SPAG16: variants seen among roughly 807,000 people sequenced by gnomAD.
SPAG16 encodes the protein sperm-associated antigen 16 protein.
Under a neutral mutation model 80.4 loss-of-function variants are expected in SPAG16, and 86 were observed. The ratio of observed to expected loss-of-function variants is 1.07; its 90% CI spans 0.90 to 1.28. The LOEUF (loss-of-function observed/expected upper bound fraction) is 1.28. SPAG16 is among the 50% of genes most tolerant of loss of function. The probability of loss-of-function intolerance (pLI) is 0.00; values close to 1 mark genes in which losing one functional copy is unlikely to be tolerated. For missense variants in SPAG16, 870 were observed against 765.3 expected (o/e 1.14, Z -1.61); for synonymous variants, 294 against 265.9 (o/e 1.11, Z -1.03).
At chr2:213,361,132 A>G (rs1489172132) in intron 7 of SPAG16, among the ~76,000 whole-genome samples, 1 of 152,094 alleles carries the variant, frequency 6.6e-6, no homozygotes, top group African/African-American at 2.4e-5. Context: ...CATGTTTTCA[A>G]ATTTCTTTAG....
intron 15 of SPAG16, chr2:214,280,769 G>T: frequency 2.2e-6 from 1 of 445,470 alleles, no homozygotes; most frequent in Non-Finnish European, 4.3e-6. Flanking sequence ...TCTTCTCATA[G>T]ACTAGATTCT....
intron 9 of SPAG16, among the ~76,000 whole-genome samples, chr2:213,415,744 A>C (rs976004450): frequency 1.3e-5 from 2 of 152,086 alleles, no homozygotes; most frequent in Non-Finnish European, 2.9e-5. Context: ...GACGTGAGGG[A>C]ATTTGGATGT....
intron 15 of SPAG16, among the ~76,000 whole-genome samples, chr2:214,248,711 T>G (rs796181224): frequency 8.5e-5 from 13 of 152,162 alleles, no homozygotes; most frequent in African/African-American, 3.1e-4. Context: ...TGGGATAAGA[T>G]AATAAACAAA....
chr2:214,044,352 C>A (rs550599841), intron 13 of SPAG16, among the ~76,000 whole-genome samples: 1 of 152,244 alleles, frequency 6.6e-6, no homozygotes, highest in African/African-American at 2.4e-5. Context: ...TTTCTGCTAC[C>A]GTGCTGTGGT....
intron 9 of SPAG16, among the ~76,000 whole-genome samples, chr2:213,427,804 A>T (rs1438192542): frequency 6.6e-6 from 1 of 152,212 alleles, no homozygotes; most frequent in Non-Finnish European, 1.5e-5. Flanking sequence ...TGAGCATCTT[A>T]TCTGCTTTAT....
chr2:213,582,810 T>A (rs1419065846), intron 10 of SPAG16, among the ~76,000 whole-genome samples: 1 of 152,168 alleles, frequency 6.6e-6, no homozygotes, highest in East Asian at 1.9e-4. Context: ...CTGCAATAAA[T>A]AGAATGTTCA....
chr2:214,316,822 C>A (rs1473277368), intron 15 of SPAG16, among the ~76,000 whole-genome samples: 1 of 152,010 alleles, frequency 6.6e-6, no homozygotes, highest in African/African-American at 2.4e-5. Context: ...GATATACTGC[C>A]CCCATCTTGG....
At chr2:213,333,580 T>C (rs1217008171) in intron 5 of SPAG16, among the ~76,000 whole-genome samples, 7 of 152,116 alleles carry the variant, frequency 4.6e-5, no homozygotes, top group Non-Finnish European at 1.5e-5. Context: ...ACCGGAGGAA[T>C]CACATTACCT....
intron 13 of SPAG16, among the ~76,000 whole-genome samples, chr2:214,023,066 A>T (rs1374848055): frequency 6.6e-6 from 1 of 151,888 alleles, no homozygotes; most frequent in Non-Finnish European, 1.5e-5. Flanking sequence ...CCCGTTCTCA[A>T]TTATCCCATT....
intron 10 of SPAG16, among the ~76,000 whole-genome samples, chr2:213,502,111 G>A (rs1420330826): frequency 2.6e-5 from 4 of 152,130 alleles, no homozygotes; most frequent in African/African-American, 7.2e-5. Flanking sequence ...AAATTCAAAC[G>A]TTGTATCTTT....
intron 5 of SPAG16, among the ~76,000 whole-genome samples, chr2:213,328,770 A>G (rs1335908150): frequency 6.6e-6 from 1 of 152,062 alleles, no homozygotes; most frequent in African/African-American, 2.4e-5. Context: ...GGATACTTCT[A>G]CTTGCTGTGA....
chr2:213,336,396 T>A (rs1237065121), intron 5 of SPAG16, among the ~76,000 whole-genome samples: 2 of 124,354 alleles, frequency 1.6e-5, no homozygotes, highest in Non-Finnish European at 3.4e-5. Context: ...CCAAGTGGCC[T>A]CACTTCCACA....
At chr2:213,949,976 A>C (rs1431515417) in intron 12 of SPAG16, among the ~76,000 whole-genome samples, 2 of 152,174 alleles carry the variant, frequency 1.3e-5, no homozygotes, top group Non-Finnish European at 2.9e-5. Flanking sequence ...TGACAGAAAA[A>C]TCTATAATGT....
chr2:214,277,068 C>G (rs986571008), intron 15 of SPAG16, among the ~76,000 whole-genome samples: 3 of 152,114 alleles, frequency 2.0e-5, no homozygotes, highest in African/African-American at 7.2e-5. Context: ...CTTTCTTCCA[C>G]TTGATCGAAT....
At chr2:213,760,080 G>A (rs1051836930) in intron 10 of SPAG16, among the ~76,000 whole-genome samples, 1 of 151,928 alleles carries the variant, frequency 6.6e-6, no homozygotes, top group Non-Finnish European at 1.5e-5. Flanking sequence ...AATGACAGAA[G>A]TAGCTTCCTT....
intron 15 of SPAG16, among the ~76,000 whole-genome samples, chr2:214,306,715 G>C (rs1389723344): frequency 6.6e-6 from 1 of 152,046 alleles, no homozygotes; most frequent in African/African-American, 2.4e-5. Context: ...TGCATCTCAG[G>C]GATAATGCTG....
intron 13 of SPAG16, among the ~76,000 whole-genome samples, chr2:214,029,420 T>A (rs1233595500): frequency 6.6e-6 from 1 of 152,006 alleles, no homozygotes; most frequent in Non-Finnish European, 1.5e-5. Context: ...GGGAAGATAT[T>A]GGAGGGCTTC....
At chr2:213,362,266 C>G (rs937316566) in intron 7 of SPAG16, among the ~76,000 whole-genome samples, 1 of 152,128 alleles carries the variant, frequency 6.6e-6, no homozygotes, top group Admixed American at 6.5e-5. Flanking sequence ...AAATAAATAT[C>G]TTTGATTCCT....
chr2:213,508,525 T>C (rs1315973805), intron 10 of SPAG16, among the ~76,000 whole-genome samples: 1 of 152,086 alleles, frequency 6.6e-6, no homozygotes, highest in Non-Finnish European at 1.5e-5. Flanking sequence ...TGAGCCGAGA[T>C]TGCGCCACTG....
Sources: gnomAD v4.1 joint callset for allele counts (sites outside exome capture counted in the v4.1 genomes callset) on GRCh38, gnomAD v4.1.1 for gene constraint, MANE v1.5 for transcripts, NCBI Gene and HGNC (gene_info 2026-07-23, HGNC 2026-07-21) for gene names.